Variants in MAX observed in about 807,000 individuals in gnomAD.
MAX encodes protein max.
In MAX, 3 loss-of-function variants were observed where a neutral mutation model predicts 22.3. The ratio of observed to expected loss-of-function variants is 0.13; its 90% CI spans 0.06 to 0.35. The LOEUF is 0.35. Among genes scored for constraint, MAX ranks in the 10% least tolerant of loss-of-function variants. MAX has a pLI of 1.00. For synonymous variants in MAX, 72 were observed against 77.7 expected (o/e 0.93, Z 0.39); for missense variants, 119 against 209.4 (o/e 0.57, Z 2.66).
Position 65,012,968 on chromosome 14 carries a change from AAT to A in MAX, c.172-6686_172-6685del. On this transcript the variant is annotated intron_variant, in intron 3 of 3. Coordinates refer to the MAX transcript ENST00000341653. This position sits in a 1 kb window ranked among gnomAD's most constrained non-coding sequence, Gnocchi z 5.0. ...CATTACTGTTTAAGAGTAGATCTTT[AAT>A]ATTTCCCAGAGCAACGTCAGGACTG... Among the ~76,000 whole-genome samples the A allele has an allele frequency of 6.6e-6, 1 of 152,204 alleles. No individual in the cohort carries two copies. Among genetic ancestry groups the A allele is most frequent in the South Asian group, 2.1e-4 (1 of 4,810 alleles).
At chr14:65,050,454 G>T (rs1425617371) in intron 3 of MAX, among the ~76,000 whole-genome samples, 2 of 152,142 alleles carry the variant, frequency 1.3e-5, no homozygotes, top group Middle Eastern at 3.2e-3. Flanking sequence ...AGCCAGGCGT[G>T]GGGGCTTGTA....
At position 65,031,017 on chromosome 14, in the gene MAX, A is replaced by T. The variant is rs961708558; in HGVS notation, c.172-24733T>A. ...GAGACGAGGTCTCACCATGTTGGCC[A>T]GGCTAGTCTCGAACTCCTGACCTCA... On this transcript the variant is annotated intron_variant, in intron 3 of 3. Coordinates refer to the MAX transcript ENST00000341653. This position sits in a 1 kb window ranked among gnomAD's most constrained non-coding sequence, Gnocchi z 4.6. Among the ~76,000 whole-genome samples, 1 of 152,030 alleles carries T rather than the reference A, an allele frequency of 6.6e-6. No homozygotes were observed. Among genetic ancestry groups the T allele is most frequent in the Non-Finnish European group, 1.5e-5 (1 of 67,988 alleles).
Position 65,012,869 on chromosome 14 carries a change from A to T in MAX, c.172-6585T>A, listed in dbSNP as rs777489222. 8.5e-5 allele frequency among the ~76,000 whole-genome samples: 13 copies of T among 152,208 alleles called. No homozygotes were observed. The highest frequency in any genetic ancestry group is 1.5e-4 in the Non-Finnish European group (10 of 68,038). On this transcript the variant is annotated intron_variant, in intron 3 of 3. Transcript: ENST00000341653. This position sits in a 1 kb window ranked among gnomAD's most constrained non-coding sequence, Gnocchi z 5.0. ...CATATCTTCATTAAAGAGACAAAAA[A>T]CCCTTTCTTGTAATAAGATCTAATT...
At chr14:65,083,850 G>A (rs2063256302) in intron 3 of MAX, 7 of 1,194,548 alleles carry the variant, frequency 5.9e-6, no homozygotes, top group Non-Finnish European at 7.3e-6. Context: ...GGTAAAGGGA[G>A]GGCCCAGGGC....
intron 3 of MAX, among the ~76,000 whole-genome samples, chr14:65,092,359 G>A (rs977423132): frequency 2.6e-5 from 4 of 152,122 alleles, no homozygotes; most frequent in African/African-American, 7.2e-5. Context: ...TTTCCATATA[G>A]TTTACCAAAG....
intron 2 of MAX, among the ~76,000 whole-genome samples, chr14:65,098,905 G>T (rs1275792609): frequency 6.6e-6 from 1 of 152,120 alleles, no homozygotes; most frequent in Non-Finnish European, 1.5e-5. Context: ...CCTATATATT[G>T]TAGTGACATT....
chr14:65,010,201 C>T (rs546752102), intron 3 of MAX, among the ~76,000 whole-genome samples: 17 of 152,336 alleles, frequency 1.1e-4, no homozygotes, highest in African/African-American at 4.1e-4. Flanking sequence ...TTCCTTTGCT[C>T]TTCCCTAGCA....
At position 65,028,140 on chromosome 14, in the gene MAX, G is replaced by C. The variant is rs1237059346; in HGVS notation, c.172-21856C>G. Among the ~76,000 whole-genome samples, 1 of 152,082 alleles carries C rather than the reference G, an allele frequency of 6.6e-6. No homozygotes were observed. The highest frequency in any genetic ancestry group is 1.5e-5 in the Non-Finnish European group (1 of 68,018). ...GGAAGGGAGGGGAAAGTCCAGCAGG[G>C]CCTCAGTAAATACCTTCTGAGTGAA... On this transcript the variant is annotated intron_variant, in intron 3 of 3. Transcript: ENST00000341653. This position sits in a 1 kb window ranked among gnomAD's most constrained non-coding sequence, Gnocchi z 4.4.
At chr14:65,013,604 C>T (rs757094508) in intron 3 of MAX, among the ~76,000 whole-genome samples, 11 of 152,194 alleles carry the variant, frequency 7.2e-5, no homozygotes, top group Non-Finnish European at 1.2e-4. Context: ...GGCTGGAGTG[C>T]AGTGGCATGA....
Position 65,082,822 on chromosome 14 carries a change from GA to G in MAX, c.172-4787del, listed in dbSNP as rs1343161830. 1.3e-5 allele frequency among the ~76,000 whole-genome samples: 2 copies of G among 152,104 alleles called. No individual in the cohort carries two copies. The highest frequency in any genetic ancestry group is 4.8e-5 in the African/African-American group (2 of 41,422). ...TAATAGCAGGATAGCAGCATTGAAG[GA>G]AGGTTATTTTTCTTTCTATTTTAAA... On this transcript the variant is annotated intron_variant, in intron 3 of 4. Coordinates refer to ENST00000358664, the MANE Select transcript of MAX (RefSeq NM_002382.5). This position sits in a 1 kb window ranked among gnomAD's most constrained non-coding sequence, Gnocchi z 4.8.
chr14:65,051,588 G>A lies in MAX; in HGVS notation c.171+42120C>T, dbSNP rs74860156. ...ATCGTGCCATTGCCCTCCAACCTGG[G>A]CAACAGAGTGAGACTCTGTCTCAAA... On this transcript the variant is annotated intron_variant, in intron 3 of 3. Coordinates refer to the MAX transcript ENST00000341653. Among the ~76,000 whole-genome samples, 539 of 151,640 alleles carry A rather than the reference G, an allele frequency of 3.6e-3. 1 individual carries two copies. Among genetic ancestry groups the A allele is most frequent in the African/African-American group, 0.013 (521 of 41,338 alleles).
chr14:65,096,597 G>C (rs1029510645), intron 2 of MAX, among the ~76,000 whole-genome samples: 2 of 151,874 alleles, frequency 1.3e-5, no homozygotes, highest in African/African-American at 4.8e-5. Context: ...AACTGTCTTT[G>C]CTTGCTGGCA....
rs2061654264 is a variant in MAX, at chr14:65,009,664, G to C, written c.172-3380C>G. Among the ~76,000 whole-genome samples, 1 of 152,010 alleles carries C rather than the reference G, an allele frequency of 6.6e-6. No individual in the cohort carries two copies. The highest frequency in any genetic ancestry group is 6.6e-5 in the Admixed American group (1 of 15,264). On this transcript the variant is annotated intron_variant, in intron 3 of 3. Transcript: ENST00000341653. The surrounding 1 kb of genome is among the most constrained non-coding windows in gnomAD (Gnocchi z 4.2). ...CCCTATGGATTTCCTCTGAGCTTTT[G>C]CATTTCTAATGTGGAATTTCTCTGC...
intron 1 of MAX, 136 bp downstream of exon 1, chr14:65,102,168 A>G (rs1307211719): frequency 1.3e-5 from 19 of 1,489,808 alleles, no homozygotes; most frequent in Middle Eastern, 2.2e-4. Flanking sequence ...AACGCGACGG[A>G]GGCACTCCTG....
intron 3 of MAX, among the ~76,000 whole-genome samples, chr14:65,017,484 G>A (rs1001356077): frequency 1.3e-5 from 2 of 152,232 alleles, no homozygotes; most frequent in Non-Finnish European, 1.5e-5. Context: ...AGCCAAAATC[G>A]ACTGAGTTTT....
intron 3 of MAX, chr14:65,016,670 G>T (rs1047567524): frequency 1.3e-5 from 2 of 152,314 alleles, no homozygotes; most frequent in Non-Finnish European, 2.9e-5. Context: ...CATTCATTCT[G>T]TCTTAACAAT....
In MAX at chr14:65,076,411, C is replaced by T. The variant is rs566299166; in HGVS notation, c.*65G>A. On this transcript the variant is annotated 3_prime_UTR_variant, in exon 5 of 5. Coordinates refer to ENST00000358664, the MANE Select transcript of MAX (RefSeq NM_002382.5). The surrounding 1 kb of genome is among the most constrained non-coding windows in gnomAD (Gnocchi z 6.6). The stretch of plus-strand genomic sequence containing the variant: ...TAAATGGTTCTGAGGGCTCTACCAA[C>T]GAACTGAAAGGAGGATGAGACGATG... 1.7e-5 allele frequency: 28 copies of T among 1,611,442 alleles called. No individual in the cohort carries two copies. The highest frequency in any genetic ancestry group is 1.4e-4 in the South Asian group (13 of 90,490).
rs2063149993 is a variant in MAX, at chr14:65,079,518, T to C, written c.172-1482A>G. Among the ~76,000 whole-genome samples, 2 of 152,236 alleles carry C rather than the reference T, an allele frequency of 1.3e-5. No homozygotes were observed. The highest frequency in any genetic ancestry group is 4.8e-5 in the African/African-American group (2 of 41,464). On this transcript the variant is annotated intron_variant, in intron 3 of 4. Transcript: ENST00000358664. The surrounding 1 kb of genome is among the most constrained non-coding windows in gnomAD (Gnocchi z 4.5). ...CAGGCAGCCAGCCAAACTGGTAGAA[T>C]AGTACAAAGCCAAGCGAAGCTCAAG...
In MAX at chr14:65,095,414, A is replaced by G. The variant is rs182176425; in HGVS notation, c.64-1599T>C. Among the ~76,000 whole-genome samples, 379 of 152,372 alleles carry G rather than the reference A, an allele frequency of 2.5e-3. 1 individual carries two copies. Among genetic ancestry groups the G allele is most frequent in the Admixed American group, 4.4e-3 (68 of 15,310 alleles). On this transcript the variant is annotated intron_variant, in intron 2 of 4. Transcript: ENST00000358664. ...AGGACAGTCAAGTTTGGAACACCAC[A>G]TAACCTGAGGGTAGAGGTAGGTACT...
Sources: allele counts gnomAD v4.1 joint callset (sites outside exome capture counted in the v4.1 genomes callset), GRCh38; gene constraint gnomAD v4.1.1; non-coding constraint Gnocchi (gnomAD v3.1); transcripts MANE v1.5; gene names NCBI Gene and HGNC (gene_info 2026-07-23, HGNC 2026-07-21).